SPOCK3: variants seen among roughly 807,000 people sequenced by gnomAD.
SPOCK3 encodes SPARC (osteonectin), cwcv and kazal like domains proteoglycan 3.
SPOCK3 carries 30 observed loss-of-function variants against 56.6 expected under a neutral mutation model. The ratio of observed to expected loss-of-function variants is 0.53; its 90% CI spans 0.40 to 0.72. SPOCK3 has a LOEUF of 0.72. Ranked by LOEUF, SPOCK3 falls within the 30% of genes least tolerant of loss-of-function variation. The pLI is 0.00. For missense variants in SPOCK3, 527 were observed against 530.0 expected (o/e 0.99, Z 0.06); for synonymous variants, 196 against 183.3 (o/e 1.07, Z -0.56).
intron 6 of SPOCK3, among the ~76,000 whole-genome samples, chr4:166,881,920 TCTC>T (rs1416787822): frequency 1.3e-5 from 2 of 152,152 alleles, no homozygotes; most frequent in African/African-American, 4.8e-5. Context: ...ATAGCAAACA[TCTC>T]CTTATTATCG....
chr4:167,032,817 T>C (rs568292813), intron 3 of SPOCK3, among the ~76,000 whole-genome samples: 1 of 152,104 alleles, frequency 6.6e-6, no homozygotes, highest in South Asian at 2.1e-4. Context: ...GCTGCATTTC[T>C]AATTAGGTTC....
At chr4:166,904,985 G>A (rs1046137638) in intron 5 of SPOCK3, among the ~76,000 whole-genome samples, 31 of 151,954 alleles carry the variant, frequency 2.0e-4, no homozygotes, top group Admixed American at 5.3e-4. Context: ...CTGTGTGTGC[G>A]CTTAACTGGG....
intron 9 of SPOCK3, among the ~76,000 whole-genome samples, chr4:166,739,360 C>T (rs1254925520): frequency 2.0e-5 from 3 of 152,096 alleles, no homozygotes; most frequent in African/African-American, 7.2e-5. Context: ...CCTACCTCAG[C>T]CTCCTGAGTG....
chr4:166,902,584 A>G (rs1432893336), intron 5 of SPOCK3, among the ~76,000 whole-genome samples: 1 of 151,758 alleles, frequency 6.6e-6, no homozygotes, highest in Non-Finnish European at 1.5e-5. Context: ...ACATGTACAT[A>G]AATATATGAT....
chr4:167,234,198 G>A (rs753988525), intron 1 of SPOCK3, 25 bp from the exon 2 acceptor site: 34 of 1,610,474 alleles, frequency 2.1e-5, no homozygotes, highest in East Asian at 1.6e-4. Context: ...ACAACGGGGG[G>A]TGGGGGGGCA....
chr4:166,832,379 G>A (rs1201432365), intron 6 of SPOCK3, among the ~76,000 whole-genome samples: 2 of 132,140 alleles, frequency 1.5e-5, no homozygotes, highest in African/African-American at 5.6e-5. Flanking sequence ...ACACCAATCA[G>A]AATGGCTATT....
chr4:167,030,843 A>T (rs7657434), intron 3 of SPOCK3, among the ~76,000 whole-genome samples: 3 of 151,722 alleles, frequency 2.0e-5, no homozygotes, highest in Admixed American at 6.6e-5. Context: ...CACTTTTAAT[A>T]CCTGTTTCTC....
chr4:166,862,545 G>C (rs1445852732), intron 6 of SPOCK3, among the ~76,000 whole-genome samples: 1 of 151,914 alleles, frequency 6.6e-6, no homozygotes, highest in African/African-American at 2.4e-5. Flanking sequence ...AACATTTTAA[G>C]TGTTCTCTTT....
rs182095322 is a variant in SPOCK3, at chr4:167,158,627, G to A, written c.189+75358C>T. On this transcript the variant is annotated intron_variant, in intron 2 of 10. Transcript: ENST00000357545. ...AAGTGGTTTTCTTTCAGAGTGTGATGTGTAATAGTTATTAGTAAAAGCCTA... is the reference window on the plus strand; with the variant it reads ...AAGTGGTTTTCTTTCAGAGTGTGATATGTAATAGTTATTAGTAAAAGCCTA... Among the ~76,000 whole-genome samples, 4 of 152,078 alleles carry A rather than the reference G, an allele frequency of 2.6e-5. 1 individual carries two copies. In the East Asian group the frequency reaches 7.7e-4, roughly 29 times the overall value.
At chr4:167,059,555 G>T (rs1276758841) in intron 3 of SPOCK3, among the ~76,000 whole-genome samples, 5 of 152,070 alleles carry the variant, frequency 3.3e-5, no homozygotes, top group Admixed American at 2.0e-4. Context: ...CTGTTGTTGG[G>T]ACTGTAAACT....
intron 2 of SPOCK3, among the ~76,000 whole-genome samples, chr4:167,072,298 G>A (rs1477753828): frequency 3.3e-5 from 5 of 152,008 alleles, no homozygotes; most frequent in Non-Finnish European, 5.9e-5. Context: ...AGGCCCACAA[G>A]TTGTTTTTGT....
intron 6 of SPOCK3, among the ~76,000 whole-genome samples, chr4:166,795,438 T>C (rs964503661): frequency 2.6e-5 from 4 of 152,162 alleles, no homozygotes. Context: ...ATCTTAGCTT[T>C]GGAGTATTAT....
intron 3 of SPOCK3, among the ~76,000 whole-genome samples, chr4:167,020,515 A>G (rs1026077394): frequency 2.6e-5 from 4 of 152,030 alleles, no homozygotes; most frequent in Admixed American, 6.6e-5. Context: ...GCTCTTATGT[A>G]AAGGGCTTTT....
intron 5 of SPOCK3, among the ~76,000 whole-genome samples, chr4:166,902,663 CTA>C (rs1200335751): frequency 4.0e-5 from 6 of 151,300 alleles, no homozygotes; most frequent in Non-Finnish European, 8.8e-5. Flanking sequence ...GCTTATTATT[CTA>C]TGTTACGTAC....
At chr4:166,742,148 T>C in intron 8 of SPOCK3, 89 bp from the exon 9 acceptor site, 1 of 956,008 alleles carries the variant, frequency 1.0e-6, no homozygotes, top group Non-Finnish European at 1.7e-6. Flanking sequence ...CTTAGTCTTT[T>C]TGTGCCTTTG....
At chr4:167,164,296 T>C (rs181850742) in intron 2 of SPOCK3, among the ~76,000 whole-genome samples, 4 of 152,144 alleles carry the variant, frequency 2.6e-5, no homozygotes, top group East Asian at 1.9e-4. Context: ...TGAGGTTTTA[T>C]GATTAATGTG....
Position 167,190,916 on chromosome 4 carries a change from G to A in SPOCK3, c.189+43069C>T, listed in dbSNP as rs535257587. On this transcript the variant is annotated intron_variant, in intron 2 of 10. Coordinates refer to ENST00000357545, the MANE Select transcript of SPOCK3 (RefSeq NM_001040159.2). ...TTGTATTCTTGACCCCTTTGACAAA[G>A]GTTAGTCTACCATTAAGTGCATTAA... 4.1e-5 allele frequency among the ~76,000 whole-genome samples: 6 copies of A among 145,340 alleles called. 1 individual carries two copies. Among genetic ancestry groups the A allele is most frequent in the Non-Finnish European group, 7.5e-5 (5 of 66,562 alleles).
rs1733940366 is a variant in SPOCK3, at chr4:166,733,487, G to A, written c.*1434C>T. ...GTCAACATTAAATTTTGTATTGAGTGTGTATAAATTAAATGGAAATAATTA... is the reference window on the plus strand; with the variant it reads ...GTCAACATTAAATTTTGTATTGAGTATGTATAAATTAAATGGAAATAATTA... On this transcript the variant is annotated 3_prime_UTR_variant, in exon 11 of 11. Transcript: ENST00000357545. 6.6e-6 allele frequency: 1 copy of A among 151,810 alleles called. No homozygotes were observed. Among genetic ancestry groups the A allele is most frequent in the Non-Finnish European group, 1.5e-5 (1 of 67,770 alleles). 9.4% of individuals were successfully genotyped at this position (151,810 alleles called of 1,614,324 possible). A position where few individuals can be genotyped will look rare whatever the true frequency, so the allele number is the denominator to read the frequency against.
At chr4:167,065,948 C>T (rs974217158) in intron 2 of SPOCK3, among the ~76,000 whole-genome samples, 5 of 151,720 alleles carry the variant, frequency 3.3e-5, no homozygotes, top group African/African-American at 9.7e-5. Context: ...TTTCAAGAGG[C>T]AAAGTTGGAT....
Sources: allele counts gnomAD v4.1 joint callset (sites outside exome capture counted in the v4.1 genomes callset), GRCh38; gene constraint gnomAD v4.1.1; transcripts MANE v1.5; gene names NCBI Gene and HGNC (gene_info 2026-07-23, HGNC 2026-07-21).